CACNA1D: variants seen among roughly 807,000 people sequenced by gnomAD.
The protein encoded by CACNA1D is calcium voltage-gated channel subunit alpha1 D, also known as voltage-dependent L-type calcium channel subunit alpha-1D.
A neutral mutation model predicts 257.1 loss-of-function variants in CACNA1D; 55 were observed. The observed-to-expected ratio is 0.21, with a 90% CI of 0.17 to 0.27. The LOEUF is 0.27. Among genes scored for constraint, CACNA1D ranks in the 10% least tolerant of loss-of-function variants. The pLI is 1.00. For missense variants in CACNA1D, 1,876 were observed against 2,784.0 expected (o/e 0.67, Z 7.34); for synonymous variants, 980 against 1,014.9 (o/e 0.97, Z 0.65).
At chr3:53,801,607 G>C (rs2095536477) in intron 42 of CACNA1D, among the ~76,000 whole-genome samples, 182 bp downstream of exon 42, 1 of 152,152 alleles carries the variant, frequency 6.6e-6, no homozygotes, top group Non-Finnish European at 1.5e-5. Flanking sequence ...CTCTCCACGT[G>C]ATGGACCTAA....
At chr3:53,601,610 C>A (rs74760729) in intron 3 of CACNA1D, among the ~76,000 whole-genome samples, 2 of 152,176 alleles carry the variant, frequency 1.3e-5, no homozygotes, top group African/African-American at 4.8e-5. Flanking sequence ...TTTTCTGACC[C>A]CATGTAGAAA....
At chr3:53,634,958 G>C (rs777085967) in intron 3 of CACNA1D, among the ~76,000 whole-genome samples, 24 of 152,284 alleles carry the variant, frequency 1.6e-4, no homozygotes, top group Middle Eastern at 6.8e-3. Context: ...GCTCTTCACT[G>C]TCTCAAGAAA....
At chr3:53,596,281 C>T (rs1576020434) in intron 3 of CACNA1D, among the ~76,000 whole-genome samples, 1 of 152,076 alleles carries the variant, frequency 6.6e-6, no homozygotes. Context: ...GTGCCCCTGC[C>T]TTCTTACTCT....
chr3:53,673,562 G>GAAAA lies in CACNA1D; in HGVS notation c.1220+448_1220+451dup. On this transcript the variant is annotated intron_variant, in intron 8 of 47. Coordinates refer to ENST00000350061, the MANE Select transcript of CACNA1D (RefSeq NM_001128840.3). The surrounding 1 kb of genome is among the most constrained non-coding windows in gnomAD (Gnocchi z 4.1). ...GCCGCTGAGCTTGTCCTTATTTGCA[G>GAAAA]AAAAAAAAAAAAAAAGGGAAGGACC... is the stretch of plus-strand genomic sequence containing the variant. 1.7e-5 allele frequency: 10 copies of GAAAA among 590,318 alleles called. No individual in the cohort carries two copies. Among genetic ancestry groups the GAAAA allele is most frequent in the South Asian group, 4.0e-5 (2 of 50,316 alleles). The allele number at this position is 590,318 out of a possible 1,614,324, so 36.6% of individuals were successfully genotyped here. A position where few individuals can be genotyped will look rare whatever the true frequency, so the allele number is the denominator to read the frequency against.
intron 40 of CACNA1D, among the ~76,000 whole-genome samples, chr3:53,795,107 C>T (rs1378702340): frequency 6.6e-6 from 1 of 152,208 alleles, no homozygotes; most frequent in Non-Finnish European, 1.5e-5. Context: ...GTCTTGCGGC[C>T]TGTGCTGATC....
At position 53,747,311 on chromosome 3, in the gene CACNA1D, C is replaced by A; in HGVS notation, c.3177C>A (p.Phe1059Leu). Residue 1059 changes from phenylalanine (F) to leucine (L), a missense_variant, in exon 26 of 48, where the codon TTC becomes TTA. By Grantham distance (22) the Phe-to-Leu change is conservative. Coordinates refer to ENST00000350061, the MANE Select transcript of CACNA1D (RefSeq NM_001128840.3). The stretch of plus-strand genomic sequence containing the variant: ...CTGTTTTCCTCTCCAGGGGACTTTT[C>A]ATCCTCTACAAGGATGGGGATGTTG... The part of the protein sequence containing the change: ...KSNPEECRGL[F>L]ILYKDGDVDS... 1 of 1,614,068 alleles carries A rather than the reference C, an allele frequency of 6.2e-7. No homozygotes were observed. The highest frequency in any genetic ancestry group is 8.5e-7 in the Non-Finnish European group (1 of 1,179,916).
chr3:53,797,419 C>T (rs2095512636), intron 40 of CACNA1D, among the ~76,000 whole-genome samples: 1 of 152,180 alleles, frequency 6.6e-6, no homozygotes, highest in South Asian at 2.1e-4. Flanking sequence ...CTGCCTGGAA[C>T]AAGCAGAATA....
chr3:53,665,955 G>C (rs890837488), intron 6 of CACNA1D, 143 bp downstream of exon 6: 7 of 679,830 alleles, frequency 1.0e-5, no homozygotes, highest in Non-Finnish European at 1.8e-5. Context: ...CCAGTTCTCA[G>C]TGTGAGCTAT....
At chr3:53,526,838 A>G (rs1214714136) in intron 3 of CACNA1D, among the ~76,000 whole-genome samples, 2 of 152,236 alleles carry the variant, frequency 1.3e-5, no homozygotes, top group Non-Finnish European at 2.9e-5. Context: ...AACATAGTAC[A>G]TCGTGCATAA....
chr3:53,667,196 G>C (rs1292406797), intron 7 of CACNA1D, among the ~76,000 whole-genome samples: 1 of 152,190 alleles, frequency 6.6e-6, no homozygotes, highest in African/African-American at 2.4e-5. Flanking sequence ...CATCCAGCCT[G>C]CCATGAAAAC....
intron 27 of CACNA1D, among the ~76,000 whole-genome samples, chr3:53,750,255 G>T (rs1048337225): frequency 3.7e-4 from 56 of 152,318 alleles, no homozygotes; most frequent in Non-Finnish European, 8.8e-5. Flanking sequence ...GTGACCCTAG[G>T]TGCCCTCTGA....
chr3:53,557,821 A>T (rs752932230), intron 3 of CACNA1D, among the ~76,000 whole-genome samples: 19 of 152,092 alleles, frequency 1.2e-4, no homozygotes, highest in Non-Finnish European at 2.1e-4. Flanking sequence ...TATTTCTCAA[A>T]TTTTTGTCGT....
intron 3 of CACNA1D, among the ~76,000 whole-genome samples, chr3:53,582,774 C>A (rs1207580454): frequency 6.6e-6 from 1 of 152,134 alleles, no homozygotes; most frequent in African/African-American, 2.4e-5. Flanking sequence ...CAAGTTGATA[C>A]AACCAGTTTT....
chr3:53,810,114 T>C lies in CACNA1D; in HGVS notation c.6008T>C (p.Val2003Ala). Residue 2003 changes from valine to alanine, a missense_variant, in exon 47 of 48, where the codon GTG becomes GCG. By Grantham distance (64) the Val-to-Ala change is moderately conservative (BLOSUM62 0). Around this residue, in one of 10 missense-constraint regions of CACNA1D, gnomAD observed 491 missense variants for 554.3 expected, o/e 0.89. Transcript: ENST00000350061. ...WTPCYTPLIQ[V>A]EQSEALDQVN... is the part of the protein sequence containing the mutation. Reference sequence around the variant, plus strand: ...CCGTGCTACACCCCCCTGATCCAAGTGGAGCAGTCAGAGGCCCTGGACCAG... The same window carrying C: ...CCGTGCTACACCCCCCTGATCCAAGCGGAGCAGTCAGAGGCCCTGGACCAG... The C allele has an allele frequency of 1.9e-6, 3 of 1,613,884 alleles. No homozygotes were observed. Among genetic ancestry groups the C allele is most frequent in the Non-Finnish European group, 2.5e-6 (3 of 1,180,014 alleles).
chr3:53,605,751 C>G (rs550910447), intron 3 of CACNA1D, among the ~76,000 whole-genome samples: 52 of 152,340 alleles, frequency 3.4e-4, no homozygotes, highest in African/African-American at 1.2e-3. Context: ...TGATGCAGGT[C>G]TGTTCTCCCC....
At chr3:53,629,858 G>T (rs191139201) in intron 3 of CACNA1D, among the ~76,000 whole-genome samples, 1 of 152,272 alleles carries the variant, frequency 6.6e-6, no homozygotes, top group Non-Finnish European at 1.5e-5. Context: ...AGGACAATGT[G>T]ATATTTATTT....
intron 8 of CACNA1D, among the ~76,000 whole-genome samples, chr3:53,695,608 G>T (rs1411634682): frequency 6.6e-6 from 1 of 152,234 alleles, no homozygotes; most frequent in Non-Finnish European, 1.5e-5. Context: ...GGGCAGAGGT[G>T]ACAGTGACCG....
intron 38 of CACNA1D, 86 bp downstream of exon 38, chr3:53,780,214 C>A (rs778493993): frequency 5.4e-6 from 6 of 1,103,002 alleles, no homozygotes; most frequent in Non-Finnish European, 8.3e-6. Flanking sequence ...TGGGCCTTTT[C>A]TTGGCCAAGG....
chr3:53,558,214 G>A (rs1247677942), intron 3 of CACNA1D, among the ~76,000 whole-genome samples: 2 of 152,126 alleles, frequency 1.3e-5, no homozygotes, highest in Admixed American at 1.3e-4. Flanking sequence ...AAGAGATGTT[G>A]GTATGTAGTT....
Sources: allele counts gnomAD v4.1 joint callset (sites outside exome capture counted in the v4.1 genomes callset), GRCh38; gene constraint gnomAD v4.1.1; regional missense constraint gnomAD v4.1.1; non-coding constraint Gnocchi (gnomAD v3.1); transcripts MANE v1.5; gene names NCBI Gene and HGNC (gene_info 2026-07-23, HGNC 2026-07-21).